The following PGM5 variants were observed in gnomAD, a reference collection of about 807,000 sequenced individuals.
PGM5 encodes phosphoglucomutase-like protein 5.
A neutral mutation model predicts 59.2 loss-of-function variants in PGM5; 23 were observed. That is an observed-to-expected ratio of 0.39 (90% CI 0.28 to 0.55). The LOEUF is 0.55. PGM5 is among the 20% of genes least tolerant of loss of function. The probability of loss-of-function intolerance (pLI) is 0.66; values close to 1 mark genes in which losing one functional copy is unlikely to be tolerated. For synonymous variants in PGM5, 214 were observed against 286.0 expected (o/e 0.75, Z 2.54); for missense variants, 574 against 748.3 (o/e 0.77, Z 2.72).
chr9:68,520,495 T>C (rs1824885613), intron 10 of PGM5, among the ~76,000 whole-genome samples: 1 of 152,176 alleles, frequency 6.6e-6, no homozygotes, highest in East Asian at 1.9e-4. Context: ...CCTGACTTAA[T>C]AGGCACATAT....
intron 6 of PGM5, among the ~76,000 whole-genome samples, chr9:68,456,360 A>G (rs920240188): frequency 1.0e-3 from 150 of 150,114 alleles, no homozygotes; most frequent in Middle Eastern, 3.4e-3. Flanking sequence ...ACCCAGGCTG[A>G]AGTGCAGTGG....
intron 6 of PGM5, among the ~76,000 whole-genome samples, chr9:68,403,219 C>A (rs1238823217): frequency 1.9e-4 from 29 of 152,100 alleles, no homozygotes; most frequent in African/African-American, 6.5e-4. Context: ...TGTGAGGAGT[C>A]TAGGTTGCAT....
chr9:68,465,051 A>G, intron 6 of PGM5, 42 bp from the exon 7 acceptor site: 15 of 1,302,792 alleles, frequency 1.2e-5, no homozygotes, highest in Non-Finnish European at 1.4e-5. Flanking sequence ...AAAACAGAAA[A>G]TGAAATATAT....
chr9:68,363,148 GTGTGAGCCAC>G (rs1329544757), intron 1 of PGM5, among the ~76,000 whole-genome samples: 4 of 152,056 alleles, frequency 2.6e-5, no homozygotes, highest in African/African-American at 9.6e-5. Context: ...GGGATTACAC[GTGTGAGCCAC>G]TGCGCCCGGC....
In PGM5 at chr9:68,421,800, T is replaced by C. The variant is rs1823134844; in HGVS notation, c.1043+29327T>C. On this transcript the variant is annotated intron_variant, in intron 6 of 10. Coordinates refer to ENST00000396396, the MANE Select transcript of PGM5 (RefSeq NM_021965.4). ...CTGGCCCCTGACTGATTCCAGATGC[T>C]TACTTTGTAGATGGATACTAGATTA... Among the ~76,000 whole-genome samples the C allele has an allele frequency of 1.3e-5, 2 of 151,908 alleles. 1 individual carries two copies. Among genetic ancestry groups the C allele is most frequent in the South Asian group, 4.2e-4 (2 of 4,814 alleles).
At chr9:68,440,512 T>C (rs10868826) in intron 6 of PGM5, among the ~76,000 whole-genome samples, 18,827 of 152,174 alleles carry the variant, frequency 0.12, 1,640 homozygotes, top group African/African-American at 0.25. Context: ...CAAGGGTTAT[T>C]GTAGATGTCC....
chr9:68,358,917 C>T (rs1657095254), intron 1 of PGM5, among the ~76,000 whole-genome samples: 1 of 152,120 alleles, frequency 6.6e-6, no homozygotes, highest in Non-Finnish European at 1.5e-5. Context: ...TGGCTAGAAT[C>T]AGGGAGTTGA....
chr9:68,449,596 T>C (rs1823664108), intron 6 of PGM5, among the ~76,000 whole-genome samples: 1 of 152,132 alleles, frequency 6.6e-6, no homozygotes, highest in African/African-American at 2.4e-5. Context: ...ATAGCTGCAT[T>C]TATGGAGTGT....
chr9:68,481,339 G>A (rs895571771), intron 8 of PGM5, among the ~76,000 whole-genome samples: 6 of 152,100 alleles, frequency 3.9e-5, no homozygotes, highest in East Asian at 1.9e-4. Context: ...AAAACAACTC[G>A]AATTATTCAG....
chr9:68,365,913 T>C (rs1554676637), intron 1 of PGM5, among the ~76,000 whole-genome samples: 1 of 152,148 alleles, frequency 6.6e-6, no homozygotes, highest in Non-Finnish European at 1.5e-5. Context: ...AAAAAGGTTT[T>C]CCAAATCAAG....
chr9:68,371,018 C>T lies in PGM5; in HGVS notation c.262-7181C>T, dbSNP rs1821694811. ...TTCATATATGTGATAGATGTGGACC[C>T]TGGGATCTGTATCTGTGTGGACCCT... On this transcript the variant is annotated intron_variant, in intron 1 of 10. Transcript: ENST00000396396. Among the ~76,000 whole-genome samples, 7 of 152,032 alleles carry T rather than the reference C, an allele frequency of 4.6e-5. No individual in the cohort carries two copies. The South Asian group carries it at 1.5e-3, about 32-fold the overall frequency.
Position 68,509,797 on chromosome 9 carries a change from G to A in PGM5, c.1614+10436G>A, listed in dbSNP as rs1554689242. Among the ~76,000 whole-genome samples, 3 of 152,186 alleles carry A rather than the reference G, an allele frequency of 2.0e-5. 1 individual carries two copies. The highest frequency in any genetic ancestry group is 4.4e-5 in the Non-Finnish European group (3 of 68,034). ...CCTAATTTGCTGGTACCTAGCCTTGGGGTGGTTAGGGCAGAGAAATAGTGG... is the reference window on the plus strand; with the variant it reads ...CCTAATTTGCTGGTACCTAGCCTTGAGGTGGTTAGGGCAGAGAAATAGTGG... On this transcript the variant is annotated intron_variant, in intron 10 of 10. Transcript: ENST00000396396.
In PGM5 at chr9:68,430,163, A is replaced by G. The variant is rs532692644; in HGVS notation, c.1044-34930A>G. On this transcript the variant is annotated intron_variant, in intron 6 of 10. Coordinates refer to ENST00000396396, the MANE Select transcript of PGM5 (RefSeq NM_021965.4). The stretch of plus-strand genomic sequence containing the variant: ...CAACTATTAATAATTTTAAAAATAC[A>G]TGGTTTCCTTTGTCTCCTCTATGGT... Among the ~76,000 whole-genome samples, 9 of 152,384 alleles carry G rather than the reference A, an allele frequency of 5.9e-5. No homozygotes were observed. The South Asian group carries it at 1.9e-3, about 32-fold the overall frequency.
At chr9:68,388,016 T>C (rs1279107470) in intron 4 of PGM5, among the ~76,000 whole-genome samples, 1 of 151,106 alleles carries the variant, frequency 6.6e-6, no homozygotes, top group Non-Finnish European at 1.5e-5. Context: ...TTAAATATTA[T>C]GAATATACAG....
intron 10 of PGM5, among the ~76,000 whole-genome samples, chr9:68,511,600 G>A (rs265084): frequency 0.083 from 10,348 of 125,192 alleles, 1,415 homozygotes; most frequent in African/African-American, 0.29. Context: ...CACCAGGCTG[G>A]AGTGCAGTGG....
chr9:68,425,583 G>A (rs10868796), intron 6 of PGM5, among the ~76,000 whole-genome samples: 1 of 151,956 alleles, frequency 6.6e-6, no homozygotes, highest in African/African-American at 2.4e-5. Flanking sequence ...CCTATCCTAA[G>A]CATTATCCTA....
chr9:68,414,519 C>T (rs2258426), intron 6 of PGM5, among the ~76,000 whole-genome samples: 3 of 152,104 alleles, frequency 2.0e-5, no homozygotes, highest in East Asian at 3.9e-4. Context: ...TGTGAACAAC[C>T]CTCCTTTCTC....
chr9:68,515,714 C>T (rs1824814155), intron 10 of PGM5, among the ~76,000 whole-genome samples: 1 of 152,192 alleles, frequency 6.6e-6, no homozygotes, highest in African/African-American at 2.4e-5. Flanking sequence ...GAGCTGGGAA[C>T]ACCCCAACAT....
chr9:68,467,955 T>C (rs1436497856), intron 7 of PGM5, among the ~76,000 whole-genome samples: 1 of 152,158 alleles, frequency 6.6e-6, no homozygotes, highest in African/African-American at 2.4e-5. Context: ...TTAAAATATA[T>C]AATCACATAA....
Sources: gnomAD v4.1 joint callset for allele counts (sites outside exome capture counted in the v4.1 genomes callset) on GRCh38, gnomAD v4.1.1 for gene constraint, MANE v1.5 for transcripts, NCBI Gene and HGNC (gene_info 2026-07-23, HGNC 2026-07-21) for gene names.